The following VTI1A variants were observed in gnomAD, a reference collection of about 807,000 sequenced individuals.
VTI1A encodes vesicle transport through interaction with t-SNAREs 1A.
In VTI1A, 22 loss-of-function variants were observed where a neutral mutation model predicts 34.9. The observed-to-expected ratio is 0.63, with a 90% CI of 0.45 to 0.90. VTI1A has a LOEUF of 0.90. VTI1A is among the 40% of genes least tolerant of loss of function. VTI1A has a pLI of 0.00. For missense variants in VTI1A, 268 were observed against 275.6 expected, an observed-to-expected ratio of 0.97 and a Z score of 0.20; for synonymous variants, 87 against 97.3, an observed-to-expected ratio of 0.89 and a Z score of 0.62.
upstream of VTI1A, chr10:112,447,084 T>C (rs1846847496): frequency 1.1e-5 from 5 of 441,808 alleles, no homozygotes; most frequent in Admixed American, 3.3e-5. Context: ...AGAACTTGCA[T>C]ATTTTCATAC....
In VTI1A at chr10:112,473,413, A is replaced by T. The variant is rs745840677; in HGVS notation, c.264+8756A>T. Among the ~76,000 whole-genome samples the T allele has an allele frequency of 4.0e-5, 6 of 150,790 alleles. No homozygotes were observed. In the East Asian group the frequency reaches 9.7e-4, roughly 24 times the overall value. ...GTGTGAGCCACTGCGCCCGTCCCAC[A>T]TTTTTTTTTAAATAAAAGATTGTAA... On this transcript the variant is annotated intron_variant, in intron 3 of 7. Transcript: ENST00000393077.
At chr10:112,552,883 C>G (rs1589895240) in intron 5 of VTI1A, among the ~76,000 whole-genome samples, 2 of 152,200 alleles carry the variant, frequency 1.3e-5, no homozygotes, top group South Asian at 4.1e-4. Context: ...TGTGGAGCAA[C>G]AGTTCTTTCG....
At chr10:112,606,864 C>T (rs1016062573) in intron 5 of VTI1A, among the ~76,000 whole-genome samples, 1 of 152,150 alleles carries the variant, frequency 6.6e-6, no homozygotes, top group African/African-American at 2.4e-5. Context: ...TTTAAAGAAC[C>T]TAGTCCTAGT....
At chr10:112,593,917 A>ATTG (rs1251634873) in intron 5 of VTI1A, among the ~76,000 whole-genome samples, 136 of 122,808 alleles carry the variant, frequency 1.1e-3, no homozygotes, top group African/African-American at 4.3e-3. Flanking sequence ...TTTTTTTATT[A>ATTG]TTATTATTTT....
At chr10:112,845,052 TA>T in the VTI1A span, among the ~76,000 whole-genome samples, 2 of 152,198 alleles carry the variant, frequency 1.3e-5, no homozygotes, top group Non-Finnish European at 2.9e-5. Flanking sequence ...GTGTCAGCCG[TA>T]AAATATGTCG....
At chr10:112,599,744 T>C (rs547123286) in intron 5 of VTI1A, among the ~76,000 whole-genome samples, 35 of 152,242 alleles carry the variant, frequency 2.3e-4, no homozygotes, top group Admixed American at 1.8e-3. Flanking sequence ...TCCGTCCAGC[T>C]AATTTTTAAA....
At position 112,546,269 on chromosome 10, in the gene VTI1A, A is replaced by T. The variant is rs1851123220; in HGVS notation, c.427+7939A>T. 2.6e-5 allele frequency among the ~76,000 whole-genome samples: 4 copies of T among 152,052 alleles called. No individual in the cohort carries two copies. In the South Asian group the frequency reaches 8.3e-4, roughly 32 times the overall value. ...TTTGGCCAGGTAGCTAGCTATAGTTAATATGTATACTCCTGGCCAGGCATG... is the reference window on the plus strand; with the variant it reads ...TTTGGCCAGGTAGCTAGCTATAGTTTATATGTATACTCCTGGCCAGGCATG... On this transcript the variant is annotated intron_variant, in intron 5 of 7. Coordinates refer to ENST00000393077, the MANE Select transcript of VTI1A (RefSeq NM_145206.4).
chr10:112,662,548 G>A (rs1476523680), intron 5 of VTI1A, among the ~76,000 whole-genome samples: 2 of 151,882 alleles, frequency 1.3e-5, no homozygotes. Flanking sequence ...TATTTTCACC[G>A]ATTATGTTTA....
At chr10:112,625,925 T>C (rs1845906440) in intron 5 of VTI1A, among the ~76,000 whole-genome samples, 1 of 152,192 alleles carries the variant, frequency 6.6e-6, no homozygotes, top group African/African-American at 2.4e-5. Context: ...AATAAATCTC[T>C]AATAAGTCAC....
chr10:112,787,698 CTTTTTTTTTTTT>C (rs34862909), intron 7 of VTI1A, among the ~76,000 whole-genome samples: 3,527 of 103,488 alleles, frequency 0.034, 72 homozygotes, highest in Middle Eastern at 0.072. Context: ...TTTTTCTTTT[CTTTTTTTTTTTT>C]TTTTTTTTTG....
At chr10:112,467,509 T>G (rs1847937466) in intron 3 of VTI1A, among the ~76,000 whole-genome samples, 1 of 152,194 alleles carries the variant, frequency 6.6e-6, no homozygotes, top group Non-Finnish European at 1.5e-5. Flanking sequence ...TTAGGAAAGT[T>G]TATTAATTTG....
intron 7 of VTI1A, among the ~76,000 whole-genome samples, chr10:112,782,320 G>A (rs141834674): frequency 3.3e-5 from 5 of 152,356 alleles, no homozygotes; most frequent in East Asian, 3.9e-4. Flanking sequence ...ACCTCACGCC[G>A]ACTTGGAGGC....
chr10:112,770,228 T>C (rs1851766932), intron 7 of VTI1A, among the ~76,000 whole-genome samples: 1 of 152,032 alleles, frequency 6.6e-6, no homozygotes, highest in African/African-American at 2.4e-5. Context: ...TACCCACAGA[T>C]GGCAAGTAAC....
chr10:112,717,263 CT>C (rs978785174), intron 7 of VTI1A, among the ~76,000 whole-genome samples: 1 of 152,168 alleles, frequency 6.6e-6, no homozygotes, highest in African/African-American at 2.4e-5. Context: ...ATGATGTGCC[CT>C]TTCTATTGTT....
intron 3 of VTI1A, among the ~76,000 whole-genome samples, chr10:112,469,152 G>C (rs17129824): frequency 6.2e-4 from 94 of 152,082 alleles, no homozygotes; most frequent in East Asian, 1.7e-3. Context: ...GCTTCTTCAC[G>C]TGTCTAATAA....
chr10:112,686,586 T>C (rs1210215233), intron 7 of VTI1A, among the ~76,000 whole-genome samples: 2 of 152,206 alleles, frequency 1.3e-5, no homozygotes, highest in Non-Finnish European at 2.9e-5. Flanking sequence ...TCCGACGTGC[T>C]AGTTTCTTTA....
chr10:112,611,301 T>G (rs1038412183), intron 5 of VTI1A, among the ~76,000 whole-genome samples: 3 of 152,240 alleles, frequency 2.0e-5, no homozygotes, highest in Admixed American at 6.5e-5. Context: ...GATTCTCTAC[T>G]CTTTTTATTG....
chr10:112,624,871 A>G (rs1203606090), intron 5 of VTI1A, among the ~76,000 whole-genome samples: 3 of 152,110 alleles, frequency 2.0e-5, no homozygotes, highest in Non-Finnish European at 2.9e-5. Flanking sequence ...TCAAGACAGG[A>G]GAATCACTTG....
intron 5 of VTI1A, among the ~76,000 whole-genome samples, chr10:112,540,257 G>A (rs1850815085): frequency 6.6e-6 from 1 of 152,074 alleles, no homozygotes; most frequent in South Asian, 2.1e-4. Flanking sequence ...TATTATTTTT[G>A]GTGTGTGCTA....
Sources: gnomAD v4.1 joint callset for allele counts (sites outside exome capture counted in the v4.1 genomes callset) on GRCh38, gnomAD v4.1.1 for gene constraint, MANE v1.5 for transcripts, NCBI Gene and HGNC (gene_info 2026-07-23, HGNC 2026-07-21) for gene names.